Variants in FSIP2 observed in about 807,000 individuals in gnomAD.
FSIP2 encodes fibrous sheath-interacting protein 2.
Under a neutral mutation model 510.5 loss-of-function variants are expected in FSIP2, and 367 were observed. The observed-to-expected ratio is 0.72, with a 90% CI of 0.66 to 0.78. The LOEUF is 0.78. Among genes scored for constraint, FSIP2 ranks in the 30% least tolerant of loss-of-function variants. The probability of loss-of-function intolerance (pLI) is 0.00; values close to 1 mark genes in which losing one functional copy is unlikely to be tolerated. For missense variants in FSIP2, 7,594 were observed against 7,901.7 expected (o/e 0.96, Z 1.48); for synonymous variants, 2,601 against 2,732.2 (o/e 0.95, Z 1.50).
At chr2:185,766,063 C>G (rs1369812293) in intron 13 of FSIP2, 2 of 151,866 alleles carry the variant, frequency 1.3e-5, no homozygotes, top group Admixed American at 6.6e-5. Context: ...ATGGGGTTTT[C>G]TAGATATACA....
In FSIP2 at chr2:185,744,371, G is replaced by C; in HGVS notation, c.437G>C (p.Ser146Thr). The C allele has an allele frequency of 7.9e-7, 1 of 1,264,676 alleles. No individual in the cohort carries two copies. 78.3% of individuals were successfully genotyped at this position (1,264,676 alleles called of 1,614,324 possible). The change falls in exon 4 of 23, where the codon AGT becomes ACT. Residue 146 changes from serine to threonine, a missense_variant. Transcript: ENST00000424728. ...AATAAGTACAGGCAATATCTTACCA[G>C]TTTAAAATTAGACTTTGAGAGAAAC... ...ELNKYRQYLT[S>T]LKLDFERNYI...
At chr2:185,753,700 T>C in intron 7 of FSIP2, 22 bp from the exon 8 acceptor site, 1 of 977,712 alleles carries the variant, frequency 1.0e-6, no homozygotes, top group Non-Finnish European at 1.5e-6. Context: ...TATTAACCAA[T>C]ATATTTTCTT....
Position 185,794,623 on chromosome 2 carries a change from A to G in FSIP2, c.7487A>G (p.Gln2496Arg). The G allele has an allele frequency of 6.5e-7, 1 of 1,532,424 alleles. No homozygotes were observed. Among genetic ancestry groups the G allele is most frequent in the Non-Finnish European group, 8.7e-7 (1 of 1,145,158 alleles). 94.9% of individuals were successfully genotyped at this position (1,532,424 alleles called of 1,614,324 possible). The change falls in exon 16 of 23, where the codon CAA (glutamine) becomes CGA (arginine). Residue 2496 changes from glutamine (Q) to arginine (R), a missense_variant. By Grantham distance (43) the Gln-to-Arg change is conservative. Coordinates refer to ENST00000424728, the MANE Select transcript of FSIP2 (RefSeq NM_173651.4). ...GAAGAACTTTTGAATAAGTTGTATC[A>G]AAGAGTAAGGGAAGTCACAGGCCAT... is the stretch of plus-strand genomic sequence containing the variant. ...AVEELLNKLY[Q>R]RVREVTGHLP...
At chr2:185,773,279 T>C (rs992259160) in intron 13 of FSIP2, among the ~76,000 whole-genome samples, 2 of 152,208 alleles carry the variant, frequency 1.3e-5, no homozygotes, top group African/African-American at 4.8e-5. Flanking sequence ...CATAGAATTC[T>C]TGGTCAGCAC....
At position 185,791,565 on chromosome 2, in the gene FSIP2, C is replaced by T; in HGVS notation, c.4429C>T (p.Gln1477Ter). 1 of 1,534,248 alleles carries T rather than the reference C, an allele frequency of 6.5e-7. No homozygotes were observed. Among genetic ancestry groups the T allele is most frequent in the Non-Finnish European group, 8.7e-7 (1 of 1,145,586 alleles). Residue 1477 changes from glutamine (Q) to a stop codon, truncating the protein, a stop_gained, in exon 16 of 23, where the codon CAG becomes TAG. Transcript: ENST00000424728. LOFTEE classifies it high-confidence loss of function. ...NKNQKMAAAL[Q>*]SNIQLISKAI... ...GAATCAGAAAATGGCTGCTGCATTG[C>T]AGTCTAATATTCAGTTAATTTCTAA... is the stretch of plus-strand genomic sequence containing the variant.
Position 185,800,107 on chromosome 2 carries a change from G to A in FSIP2, c.10801G>A (p.Asp3601Asn), listed in dbSNP as rs964539893. The change falls in exon 17 of 23, where the codon GAT (aspartate) becomes AAT (asparagine). Residue 3601 changes from aspartate (D) to asparagine (N), a missense_variant. Physicochemically the swap from Asp to Asn is conservative, Grantham distance 23. Coordinates refer to ENST00000424728, the MANE Select transcript of FSIP2 (RefSeq NM_173651.4). Reference protein sequence around the residue: ...YCPGIVSGGFDDLFQDLLVGV... With the variant: ...YCPGIVSGGFNDLFQDLLVGV... The stretch of plus-strand genomic sequence containing the variant: ...TCCAGGAATAGTTTCTGGTGGCTTT[G>A]ATGACCTCTTTCAGGATCTCTTAGT... 2.0e-6 allele frequency: 3 copies of A among 1,533,972 alleles called. No individual in the cohort carries two copies. The highest frequency in any genetic ancestry group is 1.7e-6 in the Non-Finnish European group (2 of 1,145,580).
Position 185,804,451 on chromosome 2 carries a change from G to A in FSIP2, c.15145G>A (p.Asp5049Asn). 1 of 1,516,538 alleles carries A rather than the reference G, an allele frequency of 6.6e-7. No individual in the cohort carries two copies. Among genetic ancestry groups the A allele is most frequent in the East Asian group, 2.5e-5 (1 of 40,724 alleles). The allele number at this position is 1,516,538 out of a possible 1,614,324, so 93.9% of individuals were successfully genotyped here. A position where few individuals can be genotyped will look rare whatever the true frequency, so the allele number is the denominator to read the frequency against. The change falls in exon 17 of 23, where the codon GAC becomes AAC. Residue 5049 changes from aspartate to asparagine, a missense_variant. Transcript: ENST00000424728. ...TCAAATACATAGGGTTATACAAAGT[G>A]ACACAATATGTTTTGGTAGGAAAAT... is the stretch of plus-strand genomic sequence containing the variant. ...LIQIHRVIQSDTICFGRKIYY... is the reference protein window; with the variant it reads ...LIQIHRVIQSNTICFGRKIYY...
In FSIP2 at chr2:185,794,854, A is replaced by G. The variant is rs1693230158; in HGVS notation, c.7718A>G (p.His2573Arg). The change falls in exon 16 of 23, where the codon CAC becomes CGC. Residue 2573 changes from histidine to arginine, a missense_variant. Physicochemically the swap from His to Arg is conservative, Grantham distance 29. Transcript: ENST00000424728. Reference protein sequence around the residue: ...KSRTEVEISDHNDSLLMKPLR... With the variant: ...KSRTEVEISDRNDSLLMKPLR... ...AGGACAGAAGTTGAAATATCTGACC[A>G]CAATGATTCCTTACTAATGAAACCA... 6.5e-7 allele frequency: 1 copy of G among 1,531,734 alleles called. No individual in the cohort carries two copies. Among genetic ancestry groups the G allele is most frequent in the Non-Finnish European group, 8.7e-7 (1 of 1,143,998 alleles). The allele number at this position is 1,531,734 out of a possible 1,614,324, so 94.9% of individuals were successfully genotyped here.
At position 185,814,002 on chromosome 2, in the gene FSIP2, A is replaced by C. The variant is rs754589815; in HGVS notation, c.20285A>C (p.Glu6762Ala). The C allele has an allele frequency of 6.2e-6, 10 of 1,613,242 alleles. No individual in the cohort carries two copies. In the South Asian group the frequency reaches 1.1e-4, roughly 18 times the overall value. ...LDMATPKTMP[E>A]TASSSWEEKP... is the part of the protein sequence containing the mutation. ...ATGGCCACACCAAAGACGATGCCTG[A>C]AACAGCCTCTTCATCTTGGGAGGAA... is the stretch of plus-strand genomic sequence containing the variant. The change falls in exon 18 of 23, where the codon GAA (glutamate) becomes GCA (alanine). Residue 6762 changes from glutamate (E) to alanine (A), a missense_variant. Coordinates refer to ENST00000424728, the MANE Select transcript of FSIP2 (RefSeq NM_173651.4).
At chr2:185,768,473 G>A (rs574607807) in intron 13 of FSIP2, among the ~76,000 whole-genome samples, 37 of 151,974 alleles carry the variant, frequency 2.4e-4, no homozygotes, top group African/African-American at 8.4e-4. Flanking sequence ...TAATTCTTCT[G>A]CCTGTGGACA....
Position 185,800,336 on chromosome 2 carries a change from C to T in FSIP2, c.11030C>T (p.Ala3677Val). The T allele has an allele frequency of 2.0e-6, 3 of 1,532,590 alleles. No homozygotes were observed. Among genetic ancestry groups the T allele is most frequent in the Non-Finnish European group, 2.6e-6 (3 of 1,145,034 alleles). The allele number at this position is 1,532,590 out of a possible 1,614,324, so 94.9% of individuals were successfully genotyped here. A position where few individuals can be genotyped will look rare whatever the true frequency, so the allele number is the denominator to read the frequency against. ...LFQKNKLSYL[A>V]CKLNSLVGNL... ...CAAAAAAATAAGTTAAGTTATCTTG[C>T]ATGTAAGTTAAACAGCCTGGTTGGT... Residue 3677 changes from alanine (A) to valine (V), a missense_variant, in exon 17 of 23, where the codon GCA (alanine) becomes GTA (valine). Physicochemically the swap from Ala to Val is moderately conservative, Grantham distance 64. Coordinates refer to ENST00000424728, the MANE Select transcript of FSIP2 (RefSeq NM_173651.4).
rs1218221926 is a variant in FSIP2 at position 185,801,610 on chromosome 2, C to T, written c.12304C>T (p.Pro4102Ser). 2.0e-6 allele frequency: 3 copies of T among 1,532,946 alleles called. No individual in the cohort carries two copies. Among genetic ancestry groups the T allele is most frequent in the South Asian group, 1.2e-5 (1 of 83,772 alleles). The allele number at this position is 1,532,946 out of a possible 1,614,324, so 95.0% of individuals were successfully genotyped here. Reference protein sequence around the residue: ...LPSCFKEHLIPHSYYPLKPEI... With the variant: ...LPSCFKEHLISHSYYPLKPEI... ...ATCTTGCTTCAAGGAACATCTCATA[C>T]CCCATTCATATTACCCTCTCAAACC... The change falls in exon 17 of 23, where the codon CCC becomes TCC. Residue 4102 changes from proline (P) to serine (S), a missense_variant. Physicochemically the swap from Pro to Ser is moderately conservative, Grantham distance 74. Transcript: ENST00000424728.
intron 8 of FSIP2, among the ~76,000 whole-genome samples, chr2:185,754,763 T>A (rs1289839884): frequency 6.6e-6 from 1 of 151,464 alleles, no homozygotes; most frequent in Non-Finnish European, 1.5e-5. Context: ...AGTGGTGATA[T>A]GCACAGGCTC....
intron 2 of FSIP2, chr2:185,740,253 C>A (rs1691898348): frequency 6.6e-6 from 1 of 152,162 alleles, no homozygotes; most frequent in Admixed American, 6.5e-5. Flanking sequence ...CTTATTTTTG[C>A]TTAGAGTTCA....
At position 185,809,086 on chromosome 2, in the gene FSIP2, C is replaced by T. The variant is rs771633034; in HGVS notation, c.19780C>T (p.Arg6594Cys). The T allele has an allele frequency of 1.1e-5, 18 of 1,597,988 alleles. No individual in the cohort carries two copies. Among genetic ancestry groups the T allele is most frequent in the Non-Finnish European group, 1.5e-5 (18 of 1,175,032 alleles). The change falls in exon 17 of 23, where the codon CGT becomes TGT. Residue 6594 changes from arginine (R) to cysteine (C), a missense_variant. By Grantham distance (180) the Arg-to-Cys change is radical (BLOSUM62 -3). Coordinates refer to ENST00000424728, the MANE Select transcript of FSIP2 (RefSeq NM_173651.4). ...PDLEKRKTER[R>C]TSLDKTGRLD... ...TTTAGAAAAGAGAAAGACAGAAAGA[C>T]GTACCTCATTGGATAAGACTGGAAG...
rs752066815 is a variant in FSIP2, at chr2:185,806,703, C to T, written c.17397C>T (p.Ile5799=). The part of the protein sequence containing the change: ...DVITEMVKQL[I]FSSIPETQIQ... ...TTACTGAGATGGTTAAACAATTGAT[C>T]TTTTCTTCTATACCAGAAACACAAA... The change falls in exon 17 of 23, where the codon ATC becomes ATT. Residue 5799 remains isoleucine (I), a synonymous_variant. Transcript: ENST00000424728. 6.2e-6 allele frequency: 10 copies of T among 1,603,228 alleles called. No homozygotes were observed. In the East Asian group the frequency reaches 2.2e-4, roughly 36 times the overall value.
chr2:185,768,781 T>G (rs1292914404), intron 13 of FSIP2, among the ~76,000 whole-genome samples: 3 of 152,068 alleles, frequency 2.0e-5, no homozygotes, highest in Admixed American at 6.6e-5. Context: ...ATCCTCTCCC[T>G]GCTCCAACCC....
intron 22 of FSIP2, among the ~76,000 whole-genome samples, chr2:185,832,522 A>T (rs1694126626): frequency 6.6e-6 from 1 of 151,890 alleles, no homozygotes; most frequent in Non-Finnish European, 1.5e-5. Context: ...TAGTGGCCCT[A>T]TCGCAACTTA....
At chr2:185,739,108 G>A (rs1691864890) in intron 1 of FSIP2, 115 bp downstream of exon 1, 2 of 1,348,340 alleles carry the variant, frequency 1.5e-6, no homozygotes, top group African/African-American at 1.5e-5. Flanking sequence ...CCCGTCAGGA[G>A]GCTGCCCTCT....
Sources: allele counts gnomAD v4.1 joint callset (sites outside exome capture counted in the v4.1 genomes callset), GRCh38; gene constraint gnomAD v4.1.1; transcripts MANE v1.5; gene names NCBI Gene and HGNC (gene_info 2026-07-23, HGNC 2026-07-21).